The following PIK3C2G variants were observed in gnomAD, a reference collection of about 807,000 sequenced individuals.
The protein encoded by PIK3C2G is phosphatidylinositol 3-kinase C2 domain-containing subunit gamma.
A neutral mutation model predicts 181.1 loss-of-function variants in PIK3C2G; 168 were observed. The ratio of observed to expected loss-of-function variants is 0.93; its 90% CI spans 0.82 to 1.05. The LOEUF is 1.05. PIK3C2G is among the 50% of genes least tolerant of loss of function. The pLI, the probability that PIK3C2G is intolerant of heterozygous loss-of-function variation, is 0.00. For synonymous variants in PIK3C2G, 573 were observed against 592.2 expected (o/e 0.97, Z 0.47); for missense variants, 1,869 against 1,732.8 (o/e 1.08, Z -1.40).
At chr12:18,684,009 C>T in the PIK3C2G span, 33 of 1,177,486 alleles carry the variant, frequency 2.8e-5, no homozygotes, top group African/African-American at 4.0e-4. Context: ...TGTGTCAATA[C>T]ATAAAATTTC....
chr12:18,342,282 C>T (rs997421058), intron 9 of PIK3C2G, among the ~76,000 whole-genome samples: 1 of 152,052 alleles, frequency 6.6e-6, no homozygotes, highest in Middle Eastern at 3.4e-3. Context: ...AATAGAAATG[C>T]TTCTGAAAAG....
At chr12:18,265,793 C>T (rs1948460838) in intron 1 of PIK3C2G, among the ~76,000 whole-genome samples, 1 of 151,940 alleles carries the variant, frequency 6.6e-6, no homozygotes, top group South Asian at 2.1e-4. Context: ...GTGGGCAGAT[C>T]ACCTGAGGTC....
At chr12:18,585,115 C>G (rs1241701511) in intron 29 of PIK3C2G, among the ~76,000 whole-genome samples, 1 of 152,174 alleles carries the variant, frequency 6.6e-6, no homozygotes, top group Non-Finnish European at 1.5e-5. Flanking sequence ...ACCAGTGACA[C>G]TCTAAAGCAA....
At chr12:18,710,304 T>G in the PIK3C2G span, among the ~76,000 whole-genome samples, 1 of 150,894 alleles carries the variant, frequency 6.6e-6, no homozygotes. Context: ...GGTGAGGGAG[T>G]TAGCCATGCA....
At chr12:18,715,249 G>C in the PIK3C2G span, among the ~76,000 whole-genome samples, 1 of 135,130 alleles carries the variant, frequency 7.4e-6, no homozygotes, top group Non-Finnish European at 1.5e-5. Context: ...GGGAATAATA[G>C]AGATAAAAGT....
chr12:18,691,126 G>A, the PIK3C2G span, among the ~76,000 whole-genome samples: 2 of 152,040 alleles, frequency 1.3e-5, no homozygotes, highest in Non-Finnish European at 2.9e-5. Context: ...GAATGGAGAA[G>A]GAAAATATTT....
At chr12:18,361,645 G>T (rs942380808) in intron 11 of PIK3C2G, among the ~76,000 whole-genome samples, 1 of 152,102 alleles carries the variant, frequency 6.6e-6, no homozygotes, top group Non-Finnish European at 1.5e-5. Context: ...CAATTAGAGG[G>T]ATTTTGCTGG....
chr12:18,624,137 T>A (rs188299941), intron 31 of PIK3C2G, among the ~76,000 whole-genome samples: 15 of 151,894 alleles, frequency 9.9e-5, no homozygotes, highest in African/African-American at 3.4e-4. Flanking sequence ...AGCTTTCATT[T>A]TCCCCATTGA....
chr12:18,581,075 G>A (rs78177462), intron 29 of PIK3C2G, among the ~76,000 whole-genome samples: 3,709 of 152,270 alleles, frequency 0.024, 71 homozygotes, highest in Non-Finnish European at 0.038. Flanking sequence ...CATAGGAAAA[G>A]CACTTAGGTT....
intron 29 of PIK3C2G, among the ~76,000 whole-genome samples, chr12:18,574,267 A>T (rs1946121690): frequency 1.3e-5 from 2 of 152,204 alleles, no homozygotes; most frequent in South Asian, 4.1e-4. Flanking sequence ...TTGCGTTTTG[A>T]TGTAAGAGTG....
chr12:18,382,248 A>G (rs1942890676), intron 14 of PIK3C2G, among the ~76,000 whole-genome samples: 1 of 152,136 alleles, frequency 6.6e-6, no homozygotes, highest in African/African-American at 2.4e-5. Flanking sequence ...GCTTTGTGTC[A>G]TATTTCTTTA....
intron 32 of PIK3C2G, among the ~76,000 whole-genome samples, chr12:18,642,830 T>A (rs965291871): frequency 7.6e-6 from 1 of 130,950 alleles, no homozygotes; most frequent in African/African-American, 3.1e-5. Flanking sequence ...GTGTATAAAA[T>A]GTAAATACAT....
chr12:18,682,068 G>A, the PIK3C2G span, among the ~76,000 whole-genome samples: 1,492 of 152,128 alleles, frequency 9.8e-3, 32 homozygotes, highest in African/African-American at 0.034. Context: ...AATTGGCTGT[G>A]CATCCCTACT....
At chr12:18,613,079 A>G (rs1336218605) in intron 31 of PIK3C2G, among the ~76,000 whole-genome samples, 1 of 152,128 alleles carries the variant, frequency 6.6e-6, no homozygotes, top group African/African-American at 2.4e-5. Context: ...AATATTTTTA[A>G]AAACTCTCTC....
chr12:18,548,667 C>T (rs1288834288), intron 26 of PIK3C2G, among the ~76,000 whole-genome samples: 2 of 152,008 alleles, frequency 1.3e-5, no homozygotes, highest in Non-Finnish European at 2.9e-5. Flanking sequence ...CTCTGCCAGG[C>T]CAATCTTCCC....
At chr12:18,509,017 C>T (rs191541413) in intron 24 of PIK3C2G, among the ~76,000 whole-genome samples, 458 of 152,068 alleles carry the variant, frequency 3.0e-3, no homozygotes, top group Non-Finnish European at 3.2e-3. Flanking sequence ...TTATGGTTTA[C>T]ACAATATTAT....
upstream of PIK3C2G, among the ~76,000 whole-genome samples, chr12:18,260,605 C>A (rs1948207730): frequency 6.6e-6 from 1 of 151,986 alleles, no homozygotes; most frequent in Non-Finnish European, 1.5e-5. Context: ...ATATAATTCT[C>A]AACTTTCTCT....
At chr12:18,539,547 C>G (rs1427822817) in intron 25 of PIK3C2G, among the ~76,000 whole-genome samples, 3 of 151,624 alleles carry the variant, frequency 2.0e-5, no homozygotes, top group Non-Finnish European at 4.4e-5. Flanking sequence ...ATTTAAAATT[C>G]CAGTCTTCAA....
intron 18 of PIK3C2G, among the ~76,000 whole-genome samples, chr12:18,439,183 G>T (rs1946603152): frequency 6.6e-6 from 1 of 151,878 alleles, no homozygotes; most frequent in South Asian, 2.1e-4. Context: ...CCAGTTTATG[G>T]GCCTGTTAAG....
Sources: allele counts gnomAD v4.1 joint callset (sites outside exome capture counted in the v4.1 genomes callset), GRCh38; gene constraint gnomAD v4.1.1; transcripts MANE v1.5; gene names NCBI Gene and HGNC (gene_info 2026-07-23, HGNC 2026-07-21).